EIF1: variants seen among roughly 807,000 people sequenced by gnomAD.
EIF1 encodes eukaryotic translation initiation factor 1.
EIF1 carries 4 observed loss-of-function variants against 13.7 expected under a neutral mutation model. The ratio of observed to expected loss-of-function variants is 0.29; its 90% CI spans 0.14 to 0.67. EIF1 has a LOEUF of 0.67. EIF1 is among the 30% of genes least tolerant of loss of function. The pLI is 0.77. For synonymous variants in EIF1, 67 were observed against 50.7 expected, an observed-to-expected ratio of 1.32 and a Z score of -1.37; for missense variants, 64 against 138.0, an observed-to-expected ratio of 0.46 and a Z score of 2.69.
chr17:41,690,740 T>G (rs1910351793), intron 3 of EIF1, 42 bp from the exon 4 acceptor site: 1 of 1,610,308 alleles, frequency 6.2e-7, no homozygotes, highest in Non-Finnish European at 8.5e-7. Flanking sequence ...GCTTTAACTC[T>G]CCCTGTCCCC....
chr17:41,689,277 C>T lies in EIF1; in HGVS notation c.31+208C>T, dbSNP rs60943660. On this transcript the variant is annotated intron_variant, in intron 1 of 3. Coordinates refer to ENST00000469257, the MANE Select transcript of EIF1 (RefSeq NM_005801.4). ...GGAAGGAGCAGGCGGTAGGTCAGCC[C>T]TTGGGCGGGCCCGGCGTCTCAGTGG... 5,285 of 622,888 alleles carry T rather than the reference C, an allele frequency of 8.5e-3. 214 individuals carry two copies. The African/African-American group carries it at 0.087, about 10-fold the overall frequency. 38.6% of individuals were successfully genotyped at this position (622,888 alleles called of 1,614,324 possible).
In EIF1 at chr17:41,691,255, C is replaced by CT; in HGVS notation, c.*430dup. ...TAAGGCAGAAGCACCAGCTGTACTA[C>CT]TAGAAGGGAGCTTTTGGTGGTAGAT... On this transcript the variant is annotated 3_prime_UTR_variant, in exon 4 of 4. Coordinates refer to ENST00000469257, the MANE Select transcript of EIF1 (RefSeq NM_005801.4). 1 of 311,120 alleles carries CT rather than the reference C, an allele frequency of 3.2e-6. No homozygotes were observed. The highest frequency in any genetic ancestry group is 5.9e-6 in the Non-Finnish European group (1 of 170,876). 19.3% of individuals were successfully genotyped at this position (311,120 alleles called of 1,614,324 possible).
At chr17:41,689,339 C>T (rs1910295512) in intron 1 of EIF1, 1 of 570,606 alleles carries the variant, frequency 1.8e-6, no homozygotes, top group South Asian at 2.1e-5. Context: ...CCTCGGGCCA[C>T]ACCCGCCCCT....
rs1395696995 is a variant in EIF1 at position 41,692,641 on chromosome 17, C to G, written c.*1815C>G. Reference sequence around the variant, plus strand: ...GGATGGCTTTGAATGTGGCCCAACACGAACTAATAAATTTTGCTAAAACAT... The same window carrying G: ...GGATGGCTTTGAATGTGGCCCAACAGGAACTAATAAATTTTGCTAAAACAT... On this transcript the variant is annotated 3_prime_UTR_variant, in exon 4 of 4. Transcript: ENST00000469257. 1 of 151,676 alleles carries G rather than the reference C, an allele frequency of 6.6e-6. No individual in the cohort carries two copies. Among genetic ancestry groups the G allele is most frequent in the East Asian group, 1.9e-4 (1 of 5,190 alleles). The allele number at this position is 151,676 out of a possible 1,614,324, so 9.4% of individuals were successfully genotyped here.
chr17:41,689,192 C>T (rs566595196), intron 1 of EIF1, 123 bp downstream of exon 1: 3 of 1,133,938 alleles, frequency 2.6e-6, no homozygotes, highest in Admixed American at 2.0e-5. Flanking sequence ...GAAACTTGAC[C>T]AGGGTCGCAG....
chr17:41,688,913 T>G lies in EIF1; in HGVS notation c.-126T>G, dbSNP rs1282201296. 3 of 942,932 alleles carry G rather than the reference T, an allele frequency of 3.2e-6. No homozygotes were observed. Among genetic ancestry groups the G allele is most frequent in the South Asian group, 2.9e-5 (2 of 69,078 alleles). 58.4% of individuals were successfully genotyped at this position (942,932 alleles called of 1,614,324 possible). Reference sequence around the variant, plus strand: ...CCAGTCACTGAGCCGCCGCCGAGGATTCAGCAGCCTCCCCCTTGAGCCCCC... The same window carrying G: ...CCAGTCACTGAGCCGCCGCCGAGGAGTCAGCAGCCTCCCCCTTGAGCCCCC... On this transcript the variant is annotated 5_prime_UTR_variant, in exon 1 of 4. Coordinates refer to ENST00000469257, the MANE Select transcript of EIF1 (RefSeq NM_005801.4).
In EIF1 at chr17:41,689,887, C is replaced by T. The variant is rs186779253; in HGVS notation, c.141C>T (p.Val47=). ...QRNGRKTLTT[V]QGIADDYDKK... ...ACGGCAGGAAGACCCTTACTACTGT[C>T]CAAGGGATCGCTGATGATTACGATA... Residue 47 remains valine (V), a synonymous_variant, in exon 2 of 4, where the codon GTC becomes GTT. Coordinates refer to ENST00000469257, the MANE Select transcript of EIF1 (RefSeq NM_005801.4). The T allele has an allele frequency of 1.2e-6, 2 of 1,613,536 alleles. No individual in the cohort carries two copies. Among genetic ancestry groups the T allele is most frequent in the East Asian group, 2.2e-5 (1 of 44,874 alleles).
In EIF1 at chr17:41,690,795, A is replaced by G. The variant is rs760439466; in HGVS notation, c.311A>G (p.Lys104Arg). The G allele has an allele frequency of 6.2e-7, 1 of 1,613,926 alleles. No individual in the cohort carries two copies. Among genetic ancestry groups the G allele is most frequent in the South Asian group, 1.1e-5 (1 of 91,078 alleles). ...TTGTCTTTTCAGATTGGACTGGCTA[A>G]GGACGATCAGCTGAAGGTTCATGGG... The part of the protein sequence containing the change: ...CQFLVEIGLA[K>R]DDQLKVHGF The change falls in exon 4 of 4, where the codon AAG becomes AGG. Residue 104 changes from lysine (K) to arginine (R), a missense_variant. Transcript: ENST00000469257.
Position 41,692,341 on chromosome 17 carries a change from A to G in EIF1, c.*1515A>G, listed in dbSNP as rs1276957741. The stretch of plus-strand genomic sequence containing the variant: ...TTGTAGTATTAGAAGGTTTAATGAC[A>G]AGTATTTGAAGAGCTGAAGTTAAGT... On this transcript the variant is annotated 3_prime_UTR_variant, in exon 4 of 4. Coordinates refer to ENST00000469257, the MANE Select transcript of EIF1 (RefSeq NM_005801.4). 6.6e-6 allele frequency: 1 copy of G among 152,202 alleles called. No homozygotes were observed. Among genetic ancestry groups the G allele is most frequent in the Non-Finnish European group, 1.5e-5 (1 of 68,040 alleles). The allele number at this position is 152,202 out of a possible 1,614,324, so 9.4% of individuals were successfully genotyped here.
chr17:41,689,614 G>A lies in EIF1; in HGVS notation c.32-164G>A, dbSNP rs1328069039. On this transcript the variant is annotated intron_variant, in intron 1 of 3. Coordinates refer to ENST00000469257, the MANE Select transcript of EIF1 (RefSeq NM_005801.4). Reference sequence around the variant, plus strand: ...GAGCCTGGGGAAGCTGGCCGTCCCGGACTGACCTGCTCGGGGAGAGCCAGC... The same window carrying A: ...GAGCCTGGGGAAGCTGGCCGTCCCGAACTGACCTGCTCGGGGAGAGCCAGC... The A allele has an allele frequency of 1.7e-5, 11 of 658,024 alleles. No individual in the cohort carries two copies. In the East Asian group the frequency reaches 3.3e-4, roughly 20 times the overall value. The allele number at this position is 658,024 out of a possible 1,614,324, so 40.8% of individuals were successfully genotyped here. A position where few individuals can be genotyped will look rare whatever the true frequency, so the allele number is the denominator to read the frequency against.
intron 2 of EIF1, 28 bp from the exon 3 acceptor site, chr17:41,690,060 C>T: frequency 1.2e-6 from 2 of 1,611,684 alleles, no homozygotes; most frequent in Non-Finnish European, 8.5e-7. Flanking sequence ...TCTTGCTAGG[C>T]CTAATTCGTT....
At chr17:41,689,668 C>T (rs1910314424) in intron 1 of EIF1, 110 bp from the exon 2 acceptor site, 2 of 1,170,830 alleles carry the variant, frequency 1.7e-6, no homozygotes, top group Admixed American at 2.5e-5. Flanking sequence ...GGCCCAAGCC[C>T]TGACGATTTC....
chr17:41,689,095 C>T, intron 1 of EIF1, 26 bp downstream of exon 1: 2 of 1,613,194 alleles, frequency 1.2e-6, no homozygotes, highest in African/African-American at 1.3e-5. Context: ...GGTCGCGGGC[C>T]CGGGTGGGGC....
In EIF1 at chr17:41,688,955, C is replaced by T. The variant is rs999356468; in HGVS notation, c.-84C>T. ...TGAGCCCCCTCGCTTCCCGACGTTCCGTTCCCCCCTGCCCGCCTTCTCCCG... is the reference window on the plus strand; with the variant it reads ...TGAGCCCCCTCGCTTCCCGACGTTCTGTTCCCCCCTGCCCGCCTTCTCCCG... On this transcript the variant is annotated 5_prime_UTR_variant, in exon 1 of 4. Transcript: ENST00000469257. 6.2e-6 allele frequency: 9 copies of T among 1,457,544 alleles called. No individual in the cohort carries two copies. The highest frequency in any genetic ancestry group is 5.7e-5 in the South Asian group (5 of 87,154). The allele number at this position is 1,457,544 out of a possible 1,614,324, so 90.3% of individuals were successfully genotyped here. A position where few individuals can be genotyped will look rare whatever the true frequency, so the allele number is the denominator to read the frequency against.
Position 41,692,569 on chromosome 17 carries a change from C to T in EIF1, c.*1743C>T, listed in dbSNP as rs1477059797. On this transcript the variant is annotated 3_prime_UTR_variant, in exon 4 of 4. Transcript: ENST00000469257. ...ATAAGATTATAATACTGTATTTTTA[C>T]TGTACCTTTTAACATTGTGTTACAA... is the stretch of plus-strand genomic sequence containing the variant. The T allele has an allele frequency of 6.6e-6, 1 of 152,190 alleles. No homozygotes were observed. The highest frequency in any genetic ancestry group is 1.5e-5 in the Non-Finnish European group (1 of 68,050). 9.4% of individuals were successfully genotyped at this position (152,190 alleles called of 1,614,324 possible).
chr17:41,690,734 T>C (rs368783443), intron 3 of EIF1, 48 bp from the exon 4 acceptor site: 2 of 1,606,362 alleles, frequency 1.2e-6, no homozygotes, highest in African/African-American at 2.7e-5. Flanking sequence ...ATGGAGGCTT[T>C]AACTCTCCCT....
At chr17:41,690,288 C>T in intron 3 of EIF1, 99 bp downstream of exon 3, 5 of 919,924 alleles carry the variant, frequency 5.4e-6, no homozygotes, top group Non-Finnish European at 8.6e-6. Flanking sequence ...CTTTGTAAGG[C>T]TGAGCAAAAC....
rs373170038 is a variant in EIF1 at position 41,690,040 on chromosome 17, GC to G, written c.196-47del. Reference sequence around the variant, plus strand: ...ATTGTTAGCGGAAGGGGTGATAAATGCGTTCATGCTCTTGCTAGGCCTAATT... The same window carrying G: ...ATTGTTAGCGGAAGGGGTGATAAATGGTTCATGCTCTTGCTAGGCCTAATT... On this transcript the variant is annotated intron_variant, in intron 2 of 3. Coordinates refer to ENST00000469257, the MANE Select transcript of EIF1 (RefSeq NM_005801.4). 29 of 1,610,138 alleles carry G rather than the reference GC, an allele frequency of 1.8e-5. No individual in the cohort carries two copies. The African/African-American group carries it at 3.1e-4, about 17-fold the overall frequency.
At chr17:41,689,697 C>G in intron 1 of EIF1, 81 bp from the exon 2 acceptor site, 1 of 1,424,518 alleles carries the variant, frequency 7.0e-7, no homozygotes, top group Admixed American at 2.3e-5. Context: ...TTTCTGCACG[C>G]GCAAAACACC....
Sources: allele counts gnomAD v4.1 joint callset, GRCh38; gene constraint gnomAD v4.1.1; transcripts MANE v1.5; gene names NCBI Gene and HGNC (gene_info 2026-07-23, HGNC 2026-07-21).